The following CARD14 variants were observed in gnomAD, a reference collection of about 807,000 sequenced individuals.
CARD14 encodes the protein caspase recruitment domain family member 14.
CARD14 carries 107 observed loss-of-function variants against 111.5 expected under a neutral mutation model. That is an observed-to-expected ratio of 0.96 (90% CI 0.82 to 1.13). The LOEUF (loss-of-function observed/expected upper bound fraction) is 1.13. Among genes scored for constraint, CARD14 ranks in the 50% most tolerant of loss-of-function variants. The pLI is 0.00. For synonymous variants in CARD14, 617 were observed against 579.6 expected (o/e 1.06, Z -0.93); for missense variants, 1,322 against 1,362.3 (o/e 0.97, Z 0.47).
rs148620615 is a variant in CARD14 at position 80,182,258 on chromosome 17, G to A, written c.212-395G>A. 6.6e-6 allele frequency among the ~76,000 whole-genome samples: 1 copy of A among 152,270 alleles called. No homozygotes were observed. The highest frequency in any genetic ancestry group is 2.4e-5 in the African/African-American group (1 of 41,568). Reference sequence around the variant, plus strand: ...GCCCCGGGGTGCCACTCTGCTTTCTGTGCGCAGCTCCAAAGCTGACAGCAC... The same window carrying A: ...GCCCCGGGGTGCCACTCTGCTTTCTATGCGCAGCTCCAAAGCTGACAGCAC... On this transcript the variant is annotated intron_variant, in intron 5 of 23. Transcript: ENST00000648509. The surrounding 1 kb of genome is among the most constrained non-coding windows in gnomAD (Gnocchi z 4.7).
At chr17:80,174,851 A>T (rs2039987482) in intron 2 of CARD14, among the ~76,000 whole-genome samples, 2 of 152,064 alleles carry the variant, frequency 1.3e-5, no homozygotes, top group Admixed American at 6.6e-5. Context: ...CAAACAGTAG[A>T]GGGATGCTGA....
chr17:80,187,839 C>A, intron 7 of CARD14: 2 of 985,484 alleles, frequency 2.0e-6, no homozygotes, highest in Non-Finnish European at 2.4e-6. Flanking sequence ...GTGGGATAGT[C>A]CCTGGAAGGC....
chr17:80,189,814 T>A lies in CARD14; in HGVS notation c.905T>A (p.Val302Glu). The A allele has an allele frequency of 1.3e-6, 2 of 1,584,898 alleles. No individual in the cohort carries two copies. The highest frequency in any genetic ancestry group is 1.4e-5 in the African/African-American group (1 of 72,358). Residue 302 changes from valine to glutamate, a missense_variant, in exon 9 of 24, where the codon GTG becomes GAG. By Grantham distance (121) the Val-to-Glu change is moderately radical. Coordinates refer to ENST00000648509, the MANE Select transcript of CARD14 (RefSeq NM_001366385.1). This position sits in a 1 kb window ranked among gnomAD's most constrained non-coding sequence, Gnocchi z 4.7. ...DEARGSRQEL[V>E]ERIHSLRERA... is the part of the protein sequence containing the mutation. The stretch of plus-strand genomic sequence containing the variant: ...GCGCGGGGGAGCCGACAGGAGCTGG[T>A]GGAGCGCATCCACTCGCTGCGGGAG...
intron 16 of CARD14, chr17:80,199,022 C>T (rs1381294454): frequency 4.5e-6 from 3 of 669,508 alleles, no homozygotes; most frequent in South Asian, 5.9e-5. Flanking sequence ...GATCACAGCT[C>T]ACTGCAGCCT....
At position 80,181,636 on chromosome 17, in the gene CARD14, C is replaced by G. The variant is rs1254076623; in HGVS notation, c.198C>G (p.Ser66Arg). 6.5e-7 allele frequency: 1 copy of G among 1,549,218 alleles called. No homozygotes were observed. The highest frequency in any genetic ancestry group is 2.0e-5 in the Admixed American group (1 of 51,056). The change falls in exon 5 of 24, where the codon AGC becomes AGG. Residue 66 changes from serine (S) to arginine (R), a missense_variant. Coordinates refer to ENST00000648509, the MANE Select transcript of CARD14 (RefSeq NM_001366385.1). ...EVLHSPRLTNSAMRAGHLLDL... is the reference protein window; with the variant it reads ...EVLHSPRLTNRAMRAGHLLDL... ...TGCACAGCCCCCGGCTCACCAACAG[C>G]GCCATGCGGGCCGGTGAGCGCAGCT...
Position 80,189,116 on chromosome 17 carries a change from G to A in CARD14, c.843+572G>A, listed in dbSNP as rs191038935. Among the ~76,000 whole-genome samples, 5 of 152,284 alleles carry A rather than the reference G, an allele frequency of 3.3e-5. No individual in the cohort carries two copies. Among genetic ancestry groups the A allele is most frequent in the Admixed American group, 6.5e-5 (1 of 15,302 alleles). ...CCCGACTTGGTGGGTTTACTGCAGC[G>A]ACTGTGTTCTGGAGTGGACTTGGCC... On this transcript the variant is annotated intron_variant, in intron 8 of 23. Transcript: ENST00000648509. This position sits in a 1 kb window ranked among gnomAD's most constrained non-coding sequence, Gnocchi z 4.7.
chr17:80,171,371 G>A (rs892304204), intron 1 of CARD14, among the ~76,000 whole-genome samples: 4 of 148,158 alleles, frequency 2.7e-5, no homozygotes, highest in African/African-American at 1.0e-4. Context: ...CAGGCTGGAG[G>A]GCAGTGGCAC....
chr17:80,185,032 T>G (rs2040299748), intron 7 of CARD14, among the ~76,000 whole-genome samples: 1 of 152,168 alleles, frequency 6.6e-6, no homozygotes, highest in Admixed American at 6.5e-5. Context: ...TGGCATTTGC[T>G]TTTTACCTTT....
At chr17:80,191,173 G>A (rs959927840) in intron 10 of CARD14, 150 bp from the exon 11 acceptor site, 35 of 1,029,896 alleles carry the variant, frequency 3.4e-5, no homozygotes, top group African/African-American at 1.6e-4. Context: ...ATGTGAACAC[G>A]AATTGAAATG....
chr17:80,198,178 G>A lies in CARD14; in HGVS notation c.1658+16G>A, dbSNP rs1244667670. ...TCTCGGAGAGGTAAGCAGCAGGTGGGAATCCTCCGAGGCTGGCTGGGGAAC... is the reference window on the plus strand; with the variant it reads ...TCTCGGAGAGGTAAGCAGCAGGTGGAAATCCTCCGAGGCTGGCTGGGGAAC... On this transcript the variant is annotated intron_variant, in intron 15 of 23. Coordinates refer to ENST00000648509, the MANE Select transcript of CARD14 (RefSeq NM_001366385.1). The surrounding 1 kb of genome is among the most constrained non-coding windows in gnomAD (Gnocchi z 7.5). The A allele has an allele frequency of 1.9e-6, 3 of 1,613,354 alleles. No homozygotes were observed. Among genetic ancestry groups the A allele is most frequent in the South Asian group, 2.2e-5 (2 of 91,036 alleles).
chr17:80,202,217 G>T lies in CARD14; in HGVS notation c.2016G>T (p.Val672=), dbSNP rs779586966. The change falls in exon 18 of 24, where the codon GTG becomes GTT. Residue 672 remains valine, a synonymous_variant. Coordinates refer to ENST00000648509, the MANE Select transcript of CARD14 (RefSeq NM_001366385.1). ...KRLLQDLEAK[V]ATSGDSFYIR... ...TACTCCAGGACCTGGAGGCCAAAGT[G>T]GCGACCTCGGGGGACTCATTCTACA... The T allele has an allele frequency of 6.2e-7, 1 of 1,614,004 alleles. No individual in the cohort carries two copies.
chr17:80,174,385 G>A (rs947247807), intron 2 of CARD14, among the ~76,000 whole-genome samples: 2 of 151,958 alleles, frequency 1.3e-5, no homozygotes, highest in African/African-American at 4.8e-5. Flanking sequence ...GCTAATATTT[G>A]TATTTTTAGT....
rs1172493035 is a variant in CARD14, at chr17:80,201,740, T to G, written c.1852-4T>G. 1.9e-6 allele frequency: 3 copies of G among 1,613,808 alleles called. No individual in the cohort carries two copies. Among genetic ancestry groups the G allele is most frequent in the Non-Finnish European group, 2.5e-6 (3 of 1,179,954 alleles). On this transcript the variant is annotated splice_polypyrimidine_tract_variant and splice_region_variant and intron_variant, in intron 16 of 23. Coordinates refer to ENST00000648509, the MANE Select transcript of CARD14 (RefSeq NM_001366385.1). The surrounding 1 kb of genome is among the most constrained non-coding windows in gnomAD (Gnocchi z 5.0). ...AGAGACTGACCTTCTCGACTTGCCC[T>G]CAGGTTGATTACGAAGCCTCAGAGC...
At chr17:80,204,942 G>C (rs1272527755) in intron 20 of CARD14, 93 bp from the exon 21 acceptor site, 7 of 1,104,670 alleles carry the variant, frequency 6.3e-6, no homozygotes, top group Non-Finnish European at 8.8e-6. Flanking sequence ...GGCTGCTGCA[G>C]TGAGCAAAGC....
rs1169685207 is a variant in CARD14, at chr17:80,198,305, A to G, written c.1659-94A>G. The G allele has an allele frequency of 3.2e-6, 5 of 1,568,002 alleles. No individual in the cohort carries two copies. In the East Asian group the frequency reaches 9.0e-5, roughly 28 times the overall value. On this transcript the variant is annotated intron_variant, in intron 15 of 23. Transcript: ENST00000648509. The surrounding 1 kb of genome is among the most constrained non-coding windows in gnomAD (Gnocchi z 7.5). ...GGCCATGGAGGGGGAGGAGAATTCC[A>G]GAACACTGGGGCCAGAGGGAAGCAA...
In CARD14 at chr17:80,202,436, G is replaced by A. The variant is rs762319448; in HGVS notation, c.2219+16G>A. On this transcript the variant is annotated intron_variant, in intron 18 of 23. Coordinates refer to ENST00000648509, the MANE Select transcript of CARD14 (RefSeq NM_001366385.1). The stretch of plus-strand genomic sequence containing the variant: ...ACTACTCCAGGTGAGCAGCTGCCTC[G>A]AGCTCGGTGCGTCCCCAGAGAGGCC... The A allele has an allele frequency of 2.9e-5, 46 of 1,604,956 alleles. No homozygotes were observed. Among genetic ancestry groups the A allele is most frequent in the Middle Eastern group, 1.7e-4 (1 of 5,898 alleles).
At chr17:80,171,075 A>C (rs956490065) in intron 1 of CARD14, among the ~76,000 whole-genome samples, 1 of 151,060 alleles carries the variant, frequency 6.6e-6, no homozygotes, top group Non-Finnish European at 1.5e-5. Flanking sequence ...TCCTGACTTC[A>C]GGTAATCCGC....
chr17:80,174,748 GC>G (rs1176952067), intron 2 of CARD14, among the ~76,000 whole-genome samples: 1 of 152,122 alleles, frequency 6.6e-6, no homozygotes, highest in Non-Finnish European at 1.5e-5. Flanking sequence ...GCTCAGTACA[GC>G]CCCCTCCCCA....
chr17:80,189,610 C>A lies in CARD14; in HGVS notation c.844-143C>A. 2 of 1,094,006 alleles carry A rather than the reference C, an allele frequency of 1.8e-6. No individual in the cohort carries two copies. The highest frequency in any genetic ancestry group is 2.5e-6 in the Non-Finnish European group (2 of 813,056). 67.8% of individuals were successfully genotyped at this position (1,094,006 alleles called of 1,614,324 possible). On this transcript the variant is annotated intron_variant, in intron 8 of 23. Transcript: ENST00000648509. The surrounding 1 kb of genome is among the most constrained non-coding windows in gnomAD (Gnocchi z 4.7). ...ATGATGGGTGGCTTTTCCGTGGCTT[C>A]TCTCCTGCCCGGTGTAGAGTGGCAA...
Sources: allele counts gnomAD v4.1 joint callset (sites outside exome capture counted in the v4.1 genomes callset), GRCh38; gene constraint gnomAD v4.1.1; non-coding constraint Gnocchi (gnomAD v3.1); transcripts MANE v1.5; gene names NCBI Gene and HGNC (gene_info 2026-07-23, HGNC 2026-07-21).